PAK1IP1: variants seen among roughly 807,000 people sequenced by gnomAD.
PAK1IP1 encodes the protein p21-activated protein kinase-interacting protein 1.
Under a neutral mutation model 42.0 loss-of-function variants are expected in PAK1IP1, and 24 were observed. The ratio of observed to expected loss-of-function variants is 0.57; its 90% CI spans 0.41 to 0.80. The LOEUF is 0.80. Ranked by LOEUF, PAK1IP1 falls within the 30% of genes least tolerant of loss-of-function variation. PAK1IP1 has a pLI of 0.00. For synonymous variants in PAK1IP1, 154 were observed against 156.7 expected (o/e 0.98, Z 0.13); for missense variants, 411 against 467.9 (o/e 0.88, Z 1.12).
At chr6:10,700,188 A>G (rs1769984570) in intron 2 of PAK1IP1, among the ~76,000 whole-genome samples, 1 of 151,824 alleles carries the variant, frequency 6.6e-6, no homozygotes, top group Admixed American at 6.6e-5. Context: ...CCTCCCAGGT[A>G]GCTTGGATTA....
At position 10,695,079 on chromosome 6, in the gene PAK1IP1, C is replaced by T. The variant is rs762481701; in HGVS notation, c.84+10C>T. 1 of 1,575,454 alleles carries T rather than the reference C, an allele frequency of 6.3e-7. No individual in the cohort carries two copies. The highest frequency in any genetic ancestry group is 8.6e-7 in the Non-Finnish European group (1 of 1,156,516). On this transcript the variant is annotated intron_variant, in intron 1 of 9. Coordinates refer to ENST00000379568, the MANE Select transcript of PAK1IP1 (RefSeq NM_017906.3). ...TTGCGGCGACCACGAGGTGAGATACCGCGTAGTTAGAGACAGTCGGAGGCG... is the reference window on the plus strand; with the variant it reads ...TTGCGGCGACCACGAGGTGAGATACTGCGTAGTTAGAGACAGTCGGAGGCG...
intron 1 of PAK1IP1, 30 bp from the exon 2 acceptor site, chr6:10,697,294 G>C (rs372408077): frequency 1.1e-5 from 18 of 1,598,000 alleles, no homozygotes; most frequent in Non-Finnish European, 1.5e-5. Flanking sequence ...GGTGTGACTG[G>C]CATTAATTGT....
intron 8 of PAK1IP1, 113 bp downstream of exon 8, chr6:10,707,627 C>G (rs1265279849): frequency 7.6e-6 from 5 of 658,784 alleles, no homozygotes; most frequent in Non-Finnish European, 1.4e-5. Flanking sequence ...TAAATCTCTT[C>G]CAGGCATGAT....
At chr6:10,707,170 T>A (rs1358466549) in intron 7 of PAK1IP1, among the ~76,000 whole-genome samples, 3 of 152,256 alleles carry the variant, frequency 2.0e-5, no homozygotes, top group African/African-American at 7.2e-5. Flanking sequence ...TATTTATAGT[T>A]ATCTGTTTTC....
intron 1 of PAK1IP1, among the ~76,000 whole-genome samples, chr6:10,696,444 C>T (rs7766501): frequency 0.081 from 12,290 of 152,050 alleles, 1,480 homozygotes; most frequent in African/African-American, 0.26. Flanking sequence ...CTTTTTGATG[C>T]AGTTCCTTCA....
rs951940886 is a variant in PAK1IP1, at chr6:10,704,891, T to C, written c.740+47T>C. On this transcript the variant is annotated intron_variant, in intron 7 of 9. Transcript: ENST00000379568. ...GTATATGTCTAGTCTTAATAAAAGG[T>C]ATATATGCAGTAGTTTCATAAGCCA... 4 of 1,127,282 alleles carry C rather than the reference T, an allele frequency of 3.5e-6. No homozygotes were observed. In the Admixed American group the frequency reaches 6.8e-5, roughly 19 times the overall value. The allele number at this position is 1,127,282 out of a possible 1,614,324, so 69.8% of individuals were successfully genotyped here.
Position 10,709,358 on chromosome 6 carries a change from CA to C in PAK1IP1, c.1089del (p.Glu364LysfsTer4). Reference protein sequence around the residue: ...RGLTGDSKKATKESGLISTKK... With the variant: ...RGLTGDSKKAXKESGLISTKK... ...TTAACAGGTGACAGTAAGAAAGCAA[CA>C]AAAGAAAGTGGCCTGATATCAACCA... On this transcript the variant is annotated frameshift_variant, in exon 10 of 10. Coordinates refer to ENST00000379568, the MANE Select transcript of PAK1IP1 (RefSeq NM_017906.3). LOFTEE classifies it low-confidence loss of function (END_TRUNC). 14 of 1,613,278 alleles carry C rather than the reference CA, an allele frequency of 8.7e-6. No homozygotes were observed. Among genetic ancestry groups the C allele is most frequent in the Non-Finnish European group, 1.0e-5 (12 of 1,179,708 alleles).
intron 5 of PAK1IP1, 117 bp downstream of exon 5, chr6:10,703,574 C>G: frequency 1.5e-6 from 1 of 657,602 alleles, no homozygotes; most frequent in Non-Finnish European, 2.7e-6. Flanking sequence ...AATTCAACAC[C>G]TTACCTCATG....
chr6:10,696,810 T>G (rs1484718463), intron 1 of PAK1IP1, among the ~76,000 whole-genome samples: 1 of 152,198 alleles, frequency 6.6e-6, no homozygotes, highest in Non-Finnish European at 1.5e-5. Flanking sequence ...GGCAAGTGCT[T>G]GTAATCCCAG....
In PAK1IP1 at chr6:10,707,448, G is replaced by A; in HGVS notation, c.774G>A (p.Glu258=). The part of the protein sequence containing the change: ...VKDMFSFEIP[E]HHVIVSASSD... ...ACATGTTCAGTTTTGAAATTCCAGA[G>A]CATCATGTTATTGTTTCAGCATCGA... is the stretch of plus-strand genomic sequence containing the variant. Residue 258 remains glutamate, a synonymous_variant, in exon 8 of 10, where the codon GAG becomes GAA. Transcript: ENST00000379568. The A allele has an allele frequency of 6.2e-7, 1 of 1,609,706 alleles. No homozygotes were observed. Among genetic ancestry groups the A allele is most frequent in the Non-Finnish European group, 8.5e-7 (1 of 1,175,990 alleles).
intron 1 of PAK1IP1, among the ~76,000 whole-genome samples, chr6:10,696,436 T>C (rs768240299): frequency 2.0e-5 from 3 of 152,126 alleles, no homozygotes; most frequent in Non-Finnish European, 2.9e-5. Context: ...TGCAAATACT[T>C]TTTGATGCAG....
In PAK1IP1 at chr6:10,707,471, C is replaced by T. The variant is rs1770238861; in HGVS notation, c.797C>T (p.Ser266Leu). ...IPEHHVIVSA[S>L]SDGFIKMWKL... is the part of the protein sequence containing the mutation. ...GAGCATCATGTTATTGTTTCAGCATCGAGTGATGGTTTCATCAAAATGTGG... is the reference window on the plus strand; with the variant it reads ...GAGCATCATGTTATTGTTTCAGCATTGAGTGATGGTTTCATCAAAATGTGG... The change falls in exon 8 of 10, where the codon TCG (serine) becomes TTG (leucine). Residue 266 changes from serine to leucine, a missense_variant. Physicochemically the swap from Ser to Leu is moderately radical, Grantham distance 145. Transcript: ENST00000379568. The T allele has an allele frequency of 5.0e-6, 8 of 1,611,016 alleles. No individual in the cohort carries two copies. Among genetic ancestry groups the T allele is most frequent in the Non-Finnish European group, 5.9e-6 (7 of 1,177,166 alleles).
Position 10,706,918 on chromosome 6 carries a change from A to G in PAK1IP1, c.741-497A>G, listed in dbSNP as rs184520103. On this transcript the variant is annotated intron_variant, in intron 7 of 9. Coordinates refer to ENST00000379568, the MANE Select transcript of PAK1IP1 (RefSeq NM_017906.3). ...AAAAAAAAAAAAAGAAAAAGAAAGA[A>G]AAGAAAATTGTTAAGGGGCAAAAAA... Among the ~76,000 whole-genome samples the G allele has an allele frequency of 1.3e-3, 199 of 152,198 alleles. 2 individuals are homozygous for G. Among genetic ancestry groups the G allele is most frequent in the Middle Eastern group, 6.8e-3 (2 of 294 alleles).
chr6:10,691,513 G>C (rs892302891), upstream of PAK1IP1, among the ~76,000 whole-genome samples: 1 of 152,044 alleles, frequency 6.6e-6, no homozygotes, highest in Non-Finnish European at 1.5e-5. Context: ...TAACATAACC[G>C]ATTAGGTCAG....
At chr6:10,705,019 C>T (rs1401748096) in intron 7 of PAK1IP1, among the ~76,000 whole-genome samples, 175 bp downstream of exon 7, 1 of 152,048 alleles carries the variant, frequency 6.6e-6, no homozygotes, top group Non-Finnish European at 1.5e-5. Flanking sequence ...TGTTATCTTC[C>T]TGGCATTTAA....
rs1158757669 is a variant in PAK1IP1 at position 10,697,402 on chromosome 6, G to T, written c.163G>T (p.Val55Leu). 42 of 1,613,926 alleles carry T rather than the reference G, an allele frequency of 2.6e-5. No individual in the cohort carries two copies. Among genetic ancestry groups the T allele is most frequent in the Non-Finnish European group, 3.6e-5 (42 of 1,179,950 alleles). Residue 55 changes from valine to leucine, a missense_variant, in exon 2 of 10, where the codon GTG becomes TTG. Physicochemically the swap from Val to Leu is conservative, Grantham distance 32. Transcript: ENST00000379568. The stretch of plus-strand genomic sequence containing the variant: ...AGCAGTAGCTGTAAATAGTCGTTTT[G>T]TGGTCACTGGGAGCAAAGATGAAAC... Reference protein sequence around the residue: ...LSAVAVNSRFVVTGSKDETIH... With the variant: ...LSAVAVNSRFLVTGSKDETIH...
chr6:10,703,411 G>C lies in PAK1IP1; in HGVS notation c.450G>C (p.Trp150Cys). The C allele has an allele frequency of 6.2e-7, 1 of 1,611,024 alleles. No individual in the cohort carries two copies. Among genetic ancestry groups the C allele is most frequent in the Non-Finnish European group, 8.5e-7 (1 of 1,177,982 alleles). ...TGAGCTTCCTGTTTTGCAGAACGTGGAATCTTGTAGAAGGAAGATCAGCAT... is the reference window on the plus strand; with the variant it reads ...TGAGCTTCCTGTTTTGCAGAACGTGCAATCTTGTAGAAGGAAGATCAGCAT... ...SVGTDKTLRT[W>C]NLVEGRSAFI... The change falls in exon 5 of 10, where the codon TGG (tryptophan) becomes TGC (cysteine). Residue 150 changes from tryptophan (W) to cysteine (C), a missense_variant. Coordinates refer to ENST00000379568, the MANE Select transcript of PAK1IP1 (RefSeq NM_017906.3).
At chr6:10,698,936 C>G (rs562308336) in intron 2 of PAK1IP1, among the ~76,000 whole-genome samples, 10 of 151,950 alleles carry the variant, frequency 6.6e-5, no homozygotes, top group Non-Finnish European at 1.2e-4. Context: ...CGCGGTGGCT[C>G]GCGCCTGTAA....
chr6:10,691,673 C>T (rs1769322886), upstream of PAK1IP1, among the ~76,000 whole-genome samples: 1 of 152,008 alleles, frequency 6.6e-6, no homozygotes, highest in Admixed American at 6.6e-5. Flanking sequence ...AATCCTAATG[C>T]TCTCCTCCAA....
Sources: allele counts gnomAD v4.1 joint callset (sites outside exome capture counted in the v4.1 genomes callset), GRCh38; gene constraint gnomAD v4.1.1; transcripts MANE v1.5; gene names NCBI Gene and HGNC (gene_info 2026-07-23, HGNC 2026-07-21).